The following PCNP variants were observed in gnomAD, a reference collection of about 807,000 sequenced individuals.
PCNP encodes PEST proteolytic signal containing nuclear protein.
In PCNP, 6 loss-of-function variants were observed where a neutral mutation model predicts 21.8. The ratio of observed to expected loss-of-function variants is 0.28; its 90% CI spans 0.15 to 0.54. The LOEUF is 0.54. PCNP is among the 20% of genes least tolerant of loss of function. PCNP has a pLI of 0.95. For synonymous variants in PCNP, 67 were observed against 73.2 expected (o/e 0.92, Z 0.43); for missense variants, 161 against 215.5 (o/e 0.75, Z 1.58).
intron 1 of PCNP, chr3:101,574,997 C>G (rs781186412): frequency 1.3e-5 from 2 of 152,214 alleles, no homozygotes; most frequent in African/African-American, 4.8e-5. Flanking sequence ...TTGCCAGATA[C>G]TTAGGCGACT....
intron 2 of PCNP, among the ~76,000 whole-genome samples, chr3:101,582,981 A>G (rs1023317377): frequency 2.6e-5 from 4 of 152,240 alleles, no homozygotes; most frequent in African/African-American, 9.6e-5. Flanking sequence ...ACAGATTTGC[A>G]TCTTAGAAGC....
chr3:101,580,889 A>G (rs1475823828), intron 2 of PCNP, among the ~76,000 whole-genome samples: 1 of 152,212 alleles, frequency 6.6e-6, no homozygotes, highest in Non-Finnish European at 1.5e-5. Flanking sequence ...GCTTTGGAAA[A>G]TGGTTACATT....
At position 101,594,241 on chromosome 3, in the gene PCNP, G is replaced by A. The variant is rs1452990857; in HGVS notation, c.*1488G>A. The A allele has an allele frequency of 4.6e-5, 7 of 152,440 alleles. No homozygotes were observed. Among genetic ancestry groups the A allele is most frequent in the African/African-American group, 1.4e-4 (6 of 41,402 alleles). The allele number at this position is 152,440 out of a possible 1,614,324, so 9.4% of individuals were successfully genotyped here. A position where few individuals can be genotyped will look rare whatever the true frequency, so the allele number is the denominator to read the frequency against. ...AGTTCTTACATGATTTAATTATATC[G>A]ATACATGAATTTAACTTACTTTAAT... On this transcript the variant is annotated 3_prime_UTR_variant, in exon 5 of 5. Transcript: ENST00000265260.
intron 2 of PCNP, among the ~76,000 whole-genome samples, chr3:101,583,931 T>C (rs1371317499): frequency 1.3e-5 from 2 of 149,570 alleles, no homozygotes; most frequent in South Asian, 4.3e-4. Flanking sequence ...CCCAAAGTGC[T>C]GGGATTACAA....
chr3:101,579,444 AAGATGTTAGAT>A, intron 1 of PCNP: 1 of 408,818 alleles, frequency 2.4e-6, no homozygotes, highest in Non-Finnish European at 4.8e-6. Context: ...CTAAGTGTAA[AAGATGTTAGAT>A]AGATCTGATT....
At chr3:101,589,147 G>A (rs1935677730) in intron 3 of PCNP, among the ~76,000 whole-genome samples, 1 of 151,538 alleles carries the variant, frequency 6.6e-6, no homozygotes, top group Admixed American at 6.8e-5. Flanking sequence ...GTAAGGAAGA[G>A]CTTGGAAGAG....
intron 3 of PCNP, among the ~76,000 whole-genome samples, chr3:101,586,568 G>GTT (rs1935522162): frequency 1.3e-5 from 1 of 77,496 alleles, no homozygotes; most frequent in Admixed American, 1.4e-4. Flanking sequence ...GTGTGTGTGT[G>GTT]TGTGAGAGAG....
In PCNP at chr3:101,585,467, C is replaced by G. The variant is rs753880849; in HGVS notation, c.310C>G (p.Pro104Ala). The change falls in exon 3 of 5, where the codon CCA becomes GCA. Residue 104 changes from proline to alanine, a missense_variant. Coordinates refer to ENST00000265260, the MANE Select transcript of PCNP (RefSeq NM_020357.3). ...KPKETVPTLA[P>A]KTLSVAAAFN... ...TAAAGAAACTGTTCCAACTCTTGCT[C>G]CAAAAACTCTTTCAGTAGCAGCAGC... 2.5e-6 allele frequency: 4 copies of G among 1,607,696 alleles called. No individual in the cohort carries two copies. The highest frequency in any genetic ancestry group is 3.4e-6 in the Non-Finnish European group (4 of 1,176,634).
intron 1 of PCNP, chr3:101,574,946 T>G (rs994211379): frequency 1.3e-5 from 2 of 152,220 alleles, no homozygotes; most frequent in African/African-American, 4.8e-5. Flanking sequence ...TTGGTTGCTT[T>G]TCTTTGAAGT....
At chr3:101,582,269 A>G (rs1211110463) in intron 2 of PCNP, among the ~76,000 whole-genome samples, 1 of 152,112 alleles carries the variant, frequency 6.6e-6, no homozygotes, top group African/African-American at 2.4e-5. Flanking sequence ...CCTGGCCAAC[A>G]TGGTGAAACT....
intron 3 of PCNP, among the ~76,000 whole-genome samples, chr3:101,586,571 T>TGAGAGAGAGAGAGAGTTTCTTGTTTCA: frequency 8.8e-6 from 1 of 114,204 alleles, no homozygotes; most frequent in South Asian, 3.3e-4. Flanking sequence ...TGTGTGTGTG[T>TGAGAGAGAGAGAGAGTTTCTTGTTTCA]GAGAGAGAGA....
chr3:101,577,540 T>C (rs1256230099), intron 1 of PCNP, among the ~76,000 whole-genome samples: 5 of 152,232 alleles, frequency 3.3e-5, no homozygotes, highest in South Asian at 2.1e-4. Context: ...TCTTCCTTTT[T>C]TTGAGATGAA....
intron 1 of PCNP, among the ~76,000 whole-genome samples, chr3:101,578,869 G>A (rs1010088919): frequency 3.9e-5 from 6 of 152,082 alleles, no homozygotes; most frequent in Non-Finnish European, 7.4e-5. Flanking sequence ...TATGGTGAAC[G>A]GGCAAACTGG....
intron 2 of PCNP, among the ~76,000 whole-genome samples, chr3:101,583,445 C>T (rs1197757965): frequency 6.6e-6 from 1 of 152,086 alleles, no homozygotes; most frequent in Non-Finnish European, 1.5e-5. Context: ...CAGAGCAAGA[C>T]TCTTGTCTCA....
intron 1 of PCNP, chr3:101,576,838 C>A: frequency 6.2e-7 from 1 of 1,609,366 alleles, no homozygotes; most frequent in Non-Finnish European, 8.5e-7. Context: ...ATATCTTCGG[C>A]CCACACCCTT....
chr3:101,586,545 C>CGTGTGTGTGTGTGTGT (rs377617517), intron 3 of PCNP, among the ~76,000 whole-genome samples: 1,113 of 99,462 alleles, frequency 0.011, 23 homozygotes, highest in African/African-American at 0.016. Flanking sequence ...GGCGTATATT[C>CGTGTGTGTGTGTGTGT]GTGTGTGTGT....
chr3:101,590,301 A>G (rs772191455), intron 4 of PCNP, 31 bp downstream of exon 4: 3 of 1,138,294 alleles, frequency 2.6e-6, no homozygotes, highest in Non-Finnish European at 3.9e-6. Context: ...TATTATAGAA[A>G]GATACAAAGG....
At position 101,585,540 on chromosome 3, in the gene PCNP, AC is replaced by A. The variant is rs768906546; in HGVS notation, c.354+30del. ...AGTTGATATCGAGTTTTGTTTTTTT[AC>A]TTTAACCAGTTATTTAAGGAAGGTA... On this transcript the variant is annotated intron_variant, in intron 3 of 4. Coordinates refer to ENST00000265260, the MANE Select transcript of PCNP (RefSeq NM_020357.3). The A allele has an allele frequency of 4.0e-5, 57 of 1,441,798 alleles. 1 individual carries two copies. The Admixed American group carries it at 1.0e-3, about 25-fold the overall frequency. The allele number at this position is 1,441,798 out of a possible 1,614,324, so 89.3% of individuals were successfully genotyped here. A position where few individuals can be genotyped will look rare whatever the true frequency, so the allele number is the denominator to read the frequency against.
At chr3:101,590,477 A>G (rs1242852631) in intron 4 of PCNP, among the ~76,000 whole-genome samples, 1 of 152,244 alleles carries the variant, frequency 6.6e-6, no homozygotes, top group Non-Finnish European at 1.5e-5. Context: ...ATAACTAATT[A>G]TTCTGTGAAC....
Sources: allele counts gnomAD v4.1 joint callset (sites outside exome capture counted in the v4.1 genomes callset), GRCh38; gene constraint gnomAD v4.1.1; transcripts MANE v1.5; gene names NCBI Gene and HGNC (gene_info 2026-07-23, HGNC 2026-07-21).